Variants in USP45 observed in about 807,000 individuals in gnomAD.
USP45 encodes the protein ubiquitin carboxyl-terminal hydrolase 45.
USP45 carries 89 observed loss-of-function variants against 95.8 expected under a neutral mutation model. The observed-to-expected ratio is 0.93, with a 90% CI of 0.78 to 1.11. The LOEUF is 1.11. Among genes scored for constraint, USP45 ranks in the 50% least tolerant of loss-of-function variants. The pLI, the probability that USP45 is intolerant of heterozygous loss-of-function variation, is 0.00. For synonymous variants in USP45, 281 were observed against 316.2 expected, an observed-to-expected ratio of 0.89 and a Z score of 1.18; for missense variants, 898 against 942.5, an observed-to-expected ratio of 0.95 and a Z score of 0.62.
At chr6:99,489,263 A>G (rs1357698230) in intron 5 of USP45, among the ~76,000 whole-genome samples, 1 of 152,242 alleles carries the variant, frequency 6.6e-6, no homozygotes, top group Non-Finnish European at 1.5e-5. Flanking sequence ...GTGATTGGGA[A>G]TAAGTCAAAA....
At position 99,466,676 on chromosome 6, in the gene USP45, G is replaced by A. The variant is rs368013122; in HGVS notation, c.1103C>T (p.Ala368Val). The A allele has an allele frequency of 2.4e-5, 39 of 1,611,378 alleles. No homozygotes were observed. Among genetic ancestry groups the A allele is most frequent in the Middle Eastern group, 1.6e-4 (1 of 6,074 alleles). ...ATTGAATTCTAAAGTACCTACATTT[G>A]CACATTCTTCACACATGACCGTGCT... ...LTSTVMCEEC[A>V]NISTVKDPFI... is the part of the protein sequence containing the mutation. The change falls in exon 11 of 18, where the codon GCA becomes GTA. Residue 368 changes from alanine (A) to valine (V), a missense_variant. Physicochemically the swap from Ala to Val is moderately conservative, Grantham distance 64. Transcript: ENST00000500704.
chr6:99,443,635 T>C lies in USP45; in HGVS notation c.2003A>G (p.Asn668Ser). ...AEKKVEGVYT[N>S]ARKQLLISAV... ...AGAAATGAGCAATTGCTTCCTGGCA[T>C]TAGTATAAACTCCTTCTACTTTCTT... The change falls in exon 15 of 18, where the codon AAT (asparagine) becomes AGT (serine). Residue 668 changes from asparagine (N) to serine (S), a missense_variant. By Grantham distance (46) the Asn-to-Ser change is conservative (BLOSUM62 1). Coordinates refer to ENST00000500704, the MANE Select transcript of USP45 (RefSeq NM_001346022.3). 6.2e-7 allele frequency: 1 copy of C among 1,608,070 alleles called. No individual in the cohort carries two copies. Among genetic ancestry groups the C allele is most frequent in the South Asian group, 1.1e-5 (1 of 89,644 alleles).
chr6:99,507,568 A>T (rs758443844), intron 3 of USP45, 37 bp from the exon 4 acceptor site: 12 of 1,382,582 alleles, frequency 8.7e-6, no homozygotes, highest in Non-Finnish European at 1.2e-5. Flanking sequence ...TATGACTTAC[A>T]AATGTTTGTT....
chr6:99,466,647 C>A, intron 11 of USP45, 25 bp downstream of exon 11: 1 of 1,548,076 alleles, frequency 6.5e-7, no homozygotes, highest in South Asian at 1.1e-5. Flanking sequence ...CCATTCCATG[C>A]TGAATTGAAT....
intron 4 of USP45, 62 bp downstream of exon 4, chr6:99,507,366 A>AG: frequency 1.3e-6 from 1 of 744,226 alleles, no homozygotes; most frequent in Non-Finnish European, 2.0e-6. Context: ...AAAAGCTTAA[A>AG]GAAAAAAAAA....
In USP45 at chr6:99,470,039, T is replaced by C. The variant is rs1337615968; in HGVS notation, c.934-1421A>G. On this transcript the variant is annotated intron_variant, in intron 9 of 17. Transcript: ENST00000500704. ...ACACGGGATATAAACAATGGCAAAG[T>C]CAAAACACAAGAGAGGCAAAGGGAT... Among the ~76,000 whole-genome samples the C allele has an allele frequency of 7.2e-5, 11 of 152,008 alleles. No homozygotes were observed. The East Asian group carries it at 9.7e-4, about 13-fold the overall frequency.
At chr6:99,508,531 T>G in intron 3 of USP45, 79 bp downstream of exon 3, 1 of 1,381,442 alleles carries the variant, frequency 7.2e-7, no homozygotes, top group Non-Finnish European at 9.8e-7. Flanking sequence ...CTCCTATGCA[T>G]GACCAACAGT....
intron 13 of USP45, among the ~76,000 whole-genome samples, chr6:99,449,727 T>C (rs1196963838): frequency 1.3e-5 from 2 of 152,304 alleles, no homozygotes; most frequent in African/African-American, 4.8e-5. Context: ...CAACAGAATA[T>C]ACATTCTTCT....
At chr6:99,509,142 G>A (rs1327273720) in intron 2 of USP45, among the ~76,000 whole-genome samples, 1 of 152,144 alleles carries the variant, frequency 6.6e-6, no homozygotes, top group Non-Finnish European at 1.5e-5. Context: ...CCAGTTTGCT[G>A]CACTGAAGGA....
intron 13 of USP45, among the ~76,000 whole-genome samples, chr6:99,447,331 A>T (rs1782755092): frequency 6.6e-6 from 1 of 152,256 alleles, no homozygotes; most frequent in Non-Finnish European, 1.5e-5. Context: ...AGAAAAGACT[A>T]TCATGAGTAA....
At chr6:99,452,903 CATT>C (rs1562322719) in intron 13 of USP45, among the ~76,000 whole-genome samples, 1 of 152,124 alleles carries the variant, frequency 6.6e-6, no homozygotes, top group African/African-American at 2.4e-5. Flanking sequence ...TGGAAACCAT[CATT>C]ATCAGCAAAC....
chr6:99,495,073 T>G (rs1796008624), intron 5 of USP45, among the ~76,000 whole-genome samples: 1 of 152,168 alleles, frequency 6.6e-6, no homozygotes, highest in Non-Finnish European at 1.5e-5. Flanking sequence ...CATTAAAAGC[T>G]TCATTATGGC....
In USP45 at chr6:99,465,128, C is replaced by T. The variant is rs773127439; in HGVS notation, c.1116G>A (p.Thr372=). The part of the protein sequence containing the change: ...VMCEECANIS[T]VKDPFIDISL... ...AAATATCAATGAATGGATCTTTCACCGTGGAGATCTTAAAAGGAAAACACA... is the reference window on the plus strand; with the variant it reads ...AAATATCAATGAATGGATCTTTCACTGTGGAGATCTTAAAAGGAAAACACA... The change falls in exon 12 of 18, where the codon ACG becomes ACA. Residue 372 remains threonine, a synonymous_variant. Transcript: ENST00000500704. 2.0e-5 allele frequency: 32 copies of T among 1,589,700 alleles called. No homozygotes were observed. In the East Asian group the frequency reaches 4.7e-4, roughly 23 times the overall value.
At chr6:99,515,529 C>A (rs1801015272), upstream of USP45, 2 of 152,066 alleles carry the variant, frequency 1.3e-5, no homozygotes, top group South Asian at 4.2e-4. Context: ...GCCCGGGGCC[C>A]GGGAGCGCGG....
At chr6:99,491,044 T>C (rs1562413335) in intron 5 of USP45, among the ~76,000 whole-genome samples, 1 of 152,196 alleles carries the variant, frequency 6.6e-6, no homozygotes, top group South Asian at 2.1e-4. Context: ...TGTGTTCAGA[T>C]ATTAAGGAGC....
intron 8 of USP45, among the ~76,000 whole-genome samples, chr6:99,478,835 CAA>C (rs1791558120): frequency 1.3e-5 from 2 of 152,080 alleles, no homozygotes; most frequent in Non-Finnish European, 2.9e-5. Flanking sequence ...CACAAGTGGT[CAA>C]AGTGTGTGAT....
At chr6:99,474,170 A>G (rs1325928648) in intron 9 of USP45, among the ~76,000 whole-genome samples, 1 of 152,158 alleles carries the variant, frequency 6.6e-6, no homozygotes, top group Non-Finnish European at 1.5e-5. Context: ...CTAGGAGTAA[A>G]GAGACACTGC....
chr6:99,436,959 C>A (rs1030007910), intron 17 of USP45, among the ~76,000 whole-genome samples: 1 of 152,062 alleles, frequency 6.6e-6, no homozygotes, highest in African/African-American at 2.4e-5. Flanking sequence ...AAATTAGTCA[C>A]GTGTGGTAGC....
intron 7 of USP45, among the ~76,000 whole-genome samples, chr6:99,484,926 TA>T (rs1180129846): frequency 2.6e-5 from 4 of 152,086 alleles, no homozygotes; most frequent in African/African-American, 9.7e-5. Context: ...AAATCTAAGG[TA>T]ATTTTAAACT....
Sources: allele counts gnomAD v4.1 joint callset (sites outside exome capture counted in the v4.1 genomes callset), GRCh38; gene constraint gnomAD v4.1.1; transcripts MANE v1.5; gene names NCBI Gene and HGNC (gene_info 2026-07-23, HGNC 2026-07-21).